Variants in CNTNAP3 observed in about 807,000 individuals in gnomAD.
CNTNAP3 encodes the protein contactin associated protein family member 3.
In CNTNAP3, 36 loss-of-function variants were observed where a neutral mutation model predicts 92.1. That is an observed-to-expected ratio of 0.39 (90% CI 0.30 to 0.52). The LOEUF is 0.52. Among genes scored for constraint, CNTNAP3 ranks in the 20% least tolerant of loss-of-function variants. The pLI, the probability that CNTNAP3 is intolerant of heterozygous loss-of-function variation, is 0.76. For missense variants in CNTNAP3, 534 were observed against 1,069.6 expected, an observed-to-expected ratio of 0.50 and a Z score of 6.98; for synonymous variants, 232 against 422.3, an observed-to-expected ratio of 0.55 and a Z score of 5.53.
intron 14 of CNTNAP3, among the ~76,000 whole-genome samples, chr9:39,113,455 C>T (rs1374661233): frequency 6.6e-6 from 1 of 151,814 alleles, no homozygotes; most frequent in Non-Finnish European, 1.5e-5. Context: ...CAAGTAATTC[C>T]TCAATACTGA....
chr9:39,128,817 C>T (rs1821209196), intron 13 of CNTNAP3, among the ~76,000 whole-genome samples: 1 of 151,024 alleles, frequency 6.6e-6, no homozygotes, highest in Non-Finnish European at 1.5e-5. Flanking sequence ...CAAAAAAGAG[C>T]TTATAAGATT....
intron 18 of CNTNAP3, among the ~76,000 whole-genome samples, chr9:39,096,155 T>C (rs1377706938): frequency 7.3e-6 from 1 of 137,370 alleles, no homozygotes; most frequent in African/African-American, 2.6e-5. Context: ...TTCTCTATTA[T>C]AGTTTTATAC....
chr9:39,135,992 G>C (rs1192581668), intron 12 of CNTNAP3, among the ~76,000 whole-genome samples: 1 of 151,856 alleles, frequency 6.6e-6, no homozygotes, highest in African/African-American at 2.4e-5. Context: ...AGCCGGGCGT[G>C]GTGGCACGTG....
intron 1 of CNTNAP3, among the ~76,000 whole-genome samples, chr9:39,278,667 G>A (rs1822978072): frequency 3.3e-5 from 1 of 30,572 alleles, no homozygotes; most frequent in African/African-American, 6.5e-5. Flanking sequence ...TCTGATCTTT[G>A]AGAAACCTGA....
intron 13 of CNTNAP3, among the ~76,000 whole-genome samples, chr9:39,124,224 A>G (rs1295742362): frequency 6.6e-6 from 1 of 152,200 alleles, no homozygotes; most frequent in African/African-American, 2.4e-5. Context: ...TTGAAAGTAG[A>G]TTGTTATAGT....
At position 39,114,337 on chromosome 9, in the gene CNTNAP3, A is replaced by C. The variant is rs187677269; in HGVS notation, c.2237+3766T>G. On this transcript the variant is annotated intron_variant, in intron 14 of 23. Transcript: ENST00000297668. ...TCTGACCTCGTGATCTGCCCGCCTC[A>C]GCCTCCCAAAGTGCTGGGATTACAG... is the stretch of plus-strand genomic sequence containing the variant. 5.2e-3 allele frequency among the ~76,000 whole-genome samples: 788 copies of C among 152,174 alleles called. 8 individuals carry two copies. The highest frequency in any genetic ancestry group is 0.01 in the Middle Eastern group (3 of 294).
chr9:39,275,034 AT>A (rs1822954228), intron 1 of CNTNAP3, among the ~76,000 whole-genome samples: 1 of 27,060 alleles, frequency 3.7e-5, no homozygotes, highest in Non-Finnish European at 1.1e-4. Flanking sequence ...TTGAAAAAGG[AT>A]TAGACGAATG....
At position 39,103,848 on chromosome 9, in the gene CNTNAP3, C is replaced by T. The variant is rs1240721374; in HGVS notation, c.2432G>A (p.Gly811Glu). The change falls in exon 16 of 24, where the codon GGA becomes GAA. Residue 811 changes from glycine (G) to glutamate (E), a missense_variant. Transcript: ENST00000297668. ...GAAGCACACGTCAGCAGTGAGTTCT[C>T]CGTGGAAAGCAGGGAAATGAAGGTA... ...TSYLHFPAFHGELTADVCFFF... is the reference protein window; with the variant it reads ...TSYLHFPAFHEELTADVCFFF... 6.2e-7 allele frequency: 1 copy of T among 1,610,970 alleles called. No individual in the cohort carries two copies.
chr9:39,085,316 G>T, intron 21 of CNTNAP3: 1 of 187,136 alleles, frequency 5.3e-6, no homozygotes, highest in Non-Finnish European at 1.1e-5. Flanking sequence ...GTATTCATCT[G>T]CTGTAATAAG....
intron 21 of CNTNAP3, among the ~76,000 whole-genome samples, chr9:39,084,059 T>A (rs1452103397): frequency 6.6e-6 from 1 of 152,022 alleles, no homozygotes; most frequent in Non-Finnish European, 1.5e-5. Context: ...ATATGAGCAT[T>A]ATTTTATTAG....
chr9:39,150,164 G>T (rs899227376), intron 9 of CNTNAP3, among the ~76,000 whole-genome samples, 187 bp from the exon 10 acceptor site: 5 of 151,968 alleles, frequency 3.3e-5, no homozygotes, highest in Non-Finnish European at 7.4e-5. Context: ...ATAATACCTG[G>T]AATTCAGAAT....
Position 39,085,721 on chromosome 9 carries a change from C to G in CNTNAP3, c.3442+15G>C. The G allele has an allele frequency of 1.3e-6, 2 of 1,512,298 alleles. No individual in the cohort carries two copies. Among genetic ancestry groups the G allele is most frequent in the African/African-American group, 2.9e-5 (2 of 69,322 alleles). 93.7% of individuals were successfully genotyped at this position (1,512,298 alleles called of 1,614,324 possible). On this transcript the variant is annotated intron_variant, in intron 21 of 23. Transcript: ENST00000297668. ...CATGACACTTATTTGGGAAAAAGCTCTTTCTCCTACTTACCTAAAACCTTT... is the reference window on the plus strand; with the variant it reads ...CATGACACTTATTTGGGAAAAAGCTGTTTCTCCTACTTACCTAAAACCTTT...
intron 12 of CNTNAP3, among the ~76,000 whole-genome samples, chr9:39,135,773 T>A (rs971715069): frequency 3.9e-5 from 6 of 152,142 alleles, no homozygotes; most frequent in African/African-American, 1.4e-4. Flanking sequence ...TATTTTATAA[T>A]AAAGTGTTGA....
At chr9:39,077,595 A>C (rs569262195) in intron 23 of CNTNAP3, among the ~76,000 whole-genome samples, 13 of 119,358 alleles carry the variant, frequency 1.1e-4, no homozygotes, top group African/African-American at 3.8e-4. Flanking sequence ...AACAAACAAA[A>C]AACTTCTTAA....
At chr9:39,118,721 A>T (rs1820930342) in intron 13 of CNTNAP3, among the ~76,000 whole-genome samples, 1 of 152,212 alleles carries the variant, frequency 6.6e-6, no homozygotes, top group Admixed American at 6.5e-5. Flanking sequence ...AAGATATGGT[A>T]CTCTCTGTCA....
At chr9:39,121,072 A>T (rs916514571) in intron 13 of CNTNAP3, among the ~76,000 whole-genome samples, 1 of 152,128 alleles carries the variant, frequency 6.6e-6, no homozygotes, top group Non-Finnish European at 1.5e-5. Context: ...AGAAAATTAT[A>T]AAAATTACCT....
chr9:39,101,260 T>A (rs1357934220), intron 17 of CNTNAP3, among the ~76,000 whole-genome samples: 4 of 151,366 alleles, frequency 2.6e-5, no homozygotes, highest in Non-Finnish European at 5.9e-5. Context: ...CACATCCACA[T>A]ACATACGTGG....
intron 14 of CNTNAP3, among the ~76,000 whole-genome samples, chr9:39,117,574 T>G (rs1043467105): frequency 6.6e-6 from 1 of 152,208 alleles, no homozygotes; most frequent in Non-Finnish European, 1.5e-5. Context: ...TACAGAACAG[T>G]TGGTGCTTGA....
intron 21 of CNTNAP3, among the ~76,000 whole-genome samples, chr9:39,082,266 T>C (rs1032902090): frequency 2.0e-5 from 3 of 151,866 alleles, no homozygotes; most frequent in African/African-American, 4.8e-5. Flanking sequence ...GAAAGTTCTA[T>C]TGGACAGCAT....
Sources: allele counts gnomAD v4.1 joint callset (sites outside exome capture counted in the v4.1 genomes callset), GRCh38; gene constraint gnomAD v4.1.1; transcripts MANE v1.5; gene names NCBI Gene and HGNC (gene_info 2026-07-23, HGNC 2026-07-21).